The following RBPJ variants were observed in gnomAD, a reference collection of about 807,000 sequenced individuals.
RBPJ encodes recombination signal binding protein for immunoglobulin kappa J region, also known as recombining binding protein suppressor of hairless.
In RBPJ, 9 loss-of-function variants were observed where a neutral mutation model predicts 67.8. The observed-to-expected ratio is 0.13, with a 90% CI of 0.08 to 0.23. The LOEUF (loss-of-function observed/expected upper bound fraction) is 0.23, where lower values mean the gene tolerates loss of function less well. Ranked by LOEUF, RBPJ falls within the 10% of genes least tolerant of loss-of-function variation. RBPJ has a pLI of 1.00. For missense variants in RBPJ, 305 were observed against 595.6 expected (o/e 0.51, Z 5.08); for synonymous variants, 198 against 203.3 (o/e 0.97, Z 0.22).
the RBPJ span, among the ~76,000 whole-genome samples, chr4:26,115,639 C>T: frequency 6.6e-6 from 1 of 152,188 alleles, no homozygotes; most frequent in African/African-American, 2.4e-5. Flanking sequence ...CCGCCTCGGC[C>T]TCCCAAAGTG....
intron 1 of RBPJ, among the ~76,000 whole-genome samples, chr4:26,281,522 C>T (rs181301379): frequency 1.3e-5 from 2 of 152,268 alleles, no homozygotes; most frequent in Admixed American, 1.3e-4. Context: ...TCAGGCGATC[C>T]ACTCGCCTCA....
At chr4:26,302,330 G>C (rs1318134793) in intron 1 of RBPJ, among the ~76,000 whole-genome samples, 1 of 152,186 alleles carries the variant, frequency 6.6e-6, no homozygotes, top group Non-Finnish European at 1.5e-5. Context: ...CTGAACTTTA[G>C]AGCTGGAAGG....
At chr4:26,362,437 G>A in intron 1 of RBPJ, 5 of 1,418,774 alleles carry the variant, frequency 3.5e-6, no homozygotes, top group Non-Finnish European at 4.6e-6. Flanking sequence ...TTTTGTTTTT[G>A]TTTTTAAGTC....
Position 26,432,783 on chromosome 4 carries a change from C to T in RBPJ, c.*1776C>T, listed in dbSNP as rs542504013. The T allele has an allele frequency of 6.6e-6, 1 of 152,278 alleles. No homozygotes were observed. Among genetic ancestry groups the T allele is most frequent in the Admixed American group, 6.5e-5 (1 of 15,294 alleles). The allele number at this position is 152,278 out of a possible 1,614,324, so 9.4% of individuals were successfully genotyped here. ...CTTATGAATGCAAAACTGTAACTTC[C>T]TACAGTGTTTCCCTACAGAACATTG... On this transcript the variant is annotated 3_prime_UTR_variant, in exon 11 of 11. Transcript: ENST00000355476.
At chr4:26,192,597 C>T (rs1717606727) in intron 1 of RBPJ, among the ~76,000 whole-genome samples, 1 of 152,178 alleles carries the variant, frequency 6.6e-6, no homozygotes, top group African/African-American at 2.4e-5. Context: ...TGGTTCTCAA[C>T]TCTATGAGGT....
At chr4:26,389,810 C>T (rs953352515) in intron 2 of RBPJ, among the ~76,000 whole-genome samples, 5 of 151,856 alleles carry the variant, frequency 3.3e-5, no homozygotes, top group Admixed American at 3.3e-4. Flanking sequence ...ACTTGTAAAC[C>T]TTCTGACAAA....
At chr4:26,313,272 C>T (rs1577415676) in intron 1 of RBPJ, among the ~76,000 whole-genome samples, 1 of 152,136 alleles carries the variant, frequency 6.6e-6, no homozygotes, top group Admixed American at 6.6e-5. Context: ...TGGCTCATGC[C>T]TGTACTCCTA....
chr4:26,362,361 C>A, intron 1 of RBPJ: 1 of 733,326 alleles, frequency 1.4e-6, no homozygotes, highest in African/African-American at 1.8e-5. Flanking sequence ...TTTTGTTTTT[C>A]TTAGTCATGG....
At chr4:26,301,914 T>G (rs1722090808) in intron 1 of RBPJ, among the ~76,000 whole-genome samples, 1 of 152,154 alleles carries the variant, frequency 6.6e-6, no homozygotes, top group East Asian at 2.0e-4. Context: ...TGCTGCAGCC[T>G]CCCGAGTAGC....
chr4:26,247,474 G>T (rs539072669), intron 1 of RBPJ, among the ~76,000 whole-genome samples: 1 of 151,996 alleles, frequency 6.6e-6, no homozygotes, highest in Non-Finnish European at 1.5e-5. Flanking sequence ...GCAATGTCAC[G>T]ATCTTGGCTC....
At chr4:26,270,441 A>AAAGAAGGAAGGAAGG (rs1422188390) in intron 1 of RBPJ, among the ~76,000 whole-genome samples, 1 of 116,312 alleles carries the variant, frequency 8.6e-6, no homozygotes, top group African/African-American at 3.5e-5. Flanking sequence ...AAGAAAGAAG[A>AAAGAAGGAAGGAAGG]AAGAAAGAAA....
At chr4:26,210,662 T>C (rs562802780) in intron 1 of RBPJ, among the ~76,000 whole-genome samples, 57 of 30,058 alleles carry the variant, frequency 1.9e-3, no homozygotes, top group Admixed American at 7.7e-3. Context: ...TTTCTTTCTT[T>C]TTTCTTTCTT....
upstream of RBPJ, chr4:26,320,665 T>C (rs1722918893): frequency 6.9e-7 from 1 of 1,447,214 alleles, no homozygotes; most frequent in African/African-American, 1.4e-5. Context: ...CCTCCATTCC[T>C]CGTCCCCGTA....
intron 1 of RBPJ, among the ~76,000 whole-genome samples, chr4:26,299,419 T>A (rs966071980): frequency 4.6e-5 from 7 of 152,068 alleles, no homozygotes; most frequent in African/African-American, 7.2e-5. Flanking sequence ...AGTAATTGAG[T>A]ATAAGTAGAT....
chr4:26,191,242 TAG>T (rs1225496849), intron 1 of RBPJ, among the ~76,000 whole-genome samples: 9 of 59,042 alleles, frequency 1.5e-4, no homozygotes, highest in South Asian at 6.2e-4. Flanking sequence ...GAGAGAGAGA[TAG>T]AGAGAGAGAG....
intron 2 of RBPJ, among the ~76,000 whole-genome samples, chr4:26,398,096 T>C (rs1337108834): frequency 6.6e-6 from 1 of 151,054 alleles, no homozygotes. Flanking sequence ...GTGTGTGTGA[T>C]TACTTTGAAA....
At chr4:26,267,566 G>A (rs6826639) in intron 1 of RBPJ, among the ~76,000 whole-genome samples, 17,646 of 151,780 alleles carry the variant, frequency 0.12, 3,046 homozygotes, top group African/African-American at 0.38. Context: ...GTGTATATAT[G>A]TGTATAAATA....
chr4:26,325,511 C>T (rs965960561), intron 1 of RBPJ, among the ~76,000 whole-genome samples: 2 of 152,136 alleles, frequency 1.3e-5, no homozygotes. Flanking sequence ...AGTTAAAACC[C>T]CTGTAACATT....
chr4:26,191,204 TATATATAGAGAG>T (rs1252435567), intron 1 of RBPJ, among the ~76,000 whole-genome samples: 578 of 31,722 alleles, frequency 0.018, 5 homozygotes, highest in South Asian at 0.062. Flanking sequence ...TATATATATA[TATATATAGAGAG>T]AGAGAGAGAG....
Sources: allele counts gnomAD v4.1 joint callset (sites outside exome capture counted in the v4.1 genomes callset), GRCh38; gene constraint gnomAD v4.1.1; transcripts MANE v1.5; gene names NCBI Gene and HGNC (gene_info 2026-07-23, HGNC 2026-07-21).